The following VPS53 variants were observed in gnomAD, a reference collection of about 807,000 sequenced individuals.
VPS53 encodes the protein vacuolar protein sorting-associated protein 53 homolog.
In VPS53, 70 loss-of-function variants were observed where a neutral mutation model predicts 107.0. That is an observed-to-expected ratio of 0.65 (90% CI 0.54 to 0.80). The LOEUF is 0.80. Among genes scored for constraint, VPS53 ranks in the 30% least tolerant of loss-of-function variants. The pLI, the probability that VPS53 is intolerant of heterozygous loss-of-function variation, is 0.00. For synonymous variants in VPS53, 409 were observed against 393.3 expected (o/e 1.04, Z -0.47); for missense variants, 917 against 1,049.4 (o/e 0.87, Z 1.74).
In VPS53 at chr17:655,875, G is replaced by C. The variant is rs772369492; in HGVS notation, c.451C>G (p.His151Asp). The change falls in exon 6 of 22, where the codon CAC (histidine) becomes GAC (aspartate). Residue 151 changes from histidine (H) to aspartate (D), a missense_variant. His to Asp is a moderately conservative substitution (Grantham distance 81). Transcript: ENST00000437048. ...HLTTSITTLN[H>D]LHMLAGGVDS... Reference sequence around the variant, plus strand: ...ACACCTCCTGCCAGCATGTGCAGGTGGTTCAGTGTGGTGATTGAGGTGGTC... The same window carrying C: ...ACACCTCCTGCCAGCATGTGCAGGTCGTTCAGTGTGGTGATTGAGGTGGTC... The C allele has an allele frequency of 6.2e-7, 1 of 1,613,906 alleles. No individual in the cohort carries two copies. Among genetic ancestry groups the C allele is most frequent in the Non-Finnish European group, 8.5e-7 (1 of 1,179,938 alleles).
intron 12 of VPS53, among the ~76,000 whole-genome samples, chr17:598,429 G>A (rs1476610508): frequency 1.3e-5 from 2 of 151,610 alleles, no homozygotes; most frequent in Admixed American, 6.6e-5. Flanking sequence ...CCCATCATCT[G>A]GGATGTGAGG....
chr17:634,023 G>C (rs1330550720), intron 7 of VPS53, among the ~76,000 whole-genome samples: 2 of 152,150 alleles, frequency 1.3e-5, no homozygotes, highest in Admixed American at 1.3e-4. Flanking sequence ...GTTAGAAGAG[G>C]AAGGAGTTCT....
chr17:597,685 G>A (rs933383888), intron 12 of VPS53, among the ~76,000 whole-genome samples: 12 of 152,078 alleles, frequency 7.9e-5, no homozygotes, highest in African/African-American at 2.9e-4. Context: ...TGGGATTACA[G>A]GCATGCACCA....
chr17:511,752 G>A lies in VPS53; in HGVS notation c.*7376C>T, dbSNP rs1257696436. On this transcript the variant is annotated 3_prime_UTR_variant, in exon 22 of 22. Coordinates refer to ENST00000437048, the MANE Select transcript of VPS53 (RefSeq NM_001128159.3). ...TTTGGGGGGCATCATACCTAAAGAAGAAGAAGAAGAAAAAAGGCAAGAATA... is the reference window on the plus strand; with the variant it reads ...TTTGGGGGGCATCATACCTAAAGAAAAAGAAGAAGAAAAAAGGCAAGAATA... The A allele has an allele frequency of 6.6e-6, 1 of 151,586 alleles. No homozygotes were observed. The highest frequency in any genetic ancestry group is 1.5e-5 in the Non-Finnish European group (1 of 67,918). The allele number at this position is 151,586 out of a possible 1,614,324, so 9.4% of individuals were successfully genotyped here.
chr17:562,205 C>T (rs894749256), intron 14 of VPS53, among the ~76,000 whole-genome samples: 1 of 152,138 alleles, frequency 6.6e-6, no homozygotes, highest in African/African-American at 2.4e-5. Context: ...TTTGTATGTG[C>T]CAAGTATCTA....
rs1449518380 is a variant in VPS53, at chr17:524,248, T to C, written c.2086-2510A>G. Among the ~76,000 whole-genome samples, 1 of 151,648 alleles carries C rather than the reference T, an allele frequency of 6.6e-6. No individual in the cohort carries two copies. Among genetic ancestry groups the C allele is most frequent in the East Asian group, 1.9e-4 (1 of 5,166 alleles). Reference sequence around the variant, plus strand: ...TGGGAGGTTTGCGCTACAGCCTGGGTGACAGAACAAGACACTGTCTCAAAA... The same window carrying C: ...TGGGAGGTTTGCGCTACAGCCTGGGCGACAGAACAAGACACTGTCTCAAAA... On this transcript the variant is annotated intron_variant, in intron 19 of 21. Coordinates refer to ENST00000437048, the MANE Select transcript of VPS53 (RefSeq NM_001128159.3). The surrounding 1 kb of genome is among the most constrained non-coding windows in gnomAD (Gnocchi z 4.5).
At chr17:585,295 A>T (rs1967251403) in intron 13 of VPS53, among the ~76,000 whole-genome samples, 2 of 152,212 alleles carry the variant, frequency 1.3e-5, no homozygotes, top group African/African-American at 4.8e-5. Flanking sequence ...AAGAAAAAAC[A>T]AACAAAAACT....
chr17:683,276 T>G (rs903829387), intron 4 of VPS53, among the ~76,000 whole-genome samples: 1 of 151,876 alleles, frequency 6.6e-6, no homozygotes. Flanking sequence ...ATTAAACCAC[T>G]GATCCAAGAA....
intron 13 of VPS53, among the ~76,000 whole-genome samples, chr17:564,251 G>A (rs537623188): frequency 2.7e-4 from 40 of 150,374 alleles, no homozygotes; most frequent in African/African-American, 9.5e-4. Flanking sequence ...AAAAATTAGC[G>A]TGGTGTGGGC....
Position 553,245 on chromosome 17 carries a change from T to C in VPS53, c.1787+135A>G, listed in dbSNP as rs187360744. On this transcript the variant is annotated intron_variant, in intron 16 of 21. Coordinates refer to ENST00000437048, the MANE Select transcript of VPS53 (RefSeq NM_001128159.3). Reference sequence around the variant, plus strand: ...GCAGTGAGCAAGCGTGTACAAGGTATATACGTGCCACATGCTGCTGTGTAG... The same window carrying C: ...GCAGTGAGCAAGCGTGTACAAGGTACATACGTGCCACATGCTGCTGTGTAG... The C allele has an allele frequency of 6.5e-4, 412 of 636,798 alleles. 3 individuals are homozygous for C. The highest frequency in any genetic ancestry group is 1.7e-3 in the South Asian group (97 of 55,990). 39.4% of individuals were successfully genotyped at this position (636,798 alleles called of 1,614,324 possible). A position where few individuals can be genotyped will look rare whatever the true frequency, so the allele number is the denominator to read the frequency against.
intron 13 of VPS53, among the ~76,000 whole-genome samples, chr17:567,131 G>A (rs1187154130): frequency 6.6e-6 from 1 of 152,182 alleles, no homozygotes; most frequent in Non-Finnish European, 1.5e-5. Flanking sequence ...TCCCCTAGAA[G>A]ATGGATACTT....
rs1216307080 is a variant in VPS53 at position 520,235 on chromosome 17, CG to C, written c.2224-306del. ...CGCTGCTGTTTGAAGTATGGGTTTCCGGGGCCCTCCTCTAAAGACTCTAATT... is the reference window on the plus strand; with the variant it reads ...CGCTGCTGTTTGAAGTATGGGTTTCCGGGCCCTCCTCTAAAGACTCTAATT... On this transcript the variant is annotated intron_variant, in intron 20 of 21. Transcript: ENST00000437048. This position sits in a 1 kb window ranked among gnomAD's most constrained non-coding sequence, Gnocchi z 4.4. Among the ~76,000 whole-genome samples, 2 of 152,120 alleles carry C rather than the reference CG, an allele frequency of 1.3e-5. No individual in the cohort carries two copies. The highest frequency in any genetic ancestry group is 4.8e-5 in the African/African-American group (2 of 41,430).
At chr17:523,577 T>A (rs571789167) in intron 19 of VPS53, 1 of 152,336 alleles carries the variant, frequency 6.6e-6, no homozygotes, top group Admixed American at 6.5e-5. Flanking sequence ...GCAATTGTAA[T>A]TTTAACAATG....
intron 19 of VPS53, among the ~76,000 whole-genome samples, chr17:531,520 G>A (rs1001934142): frequency 6.6e-6 from 1 of 151,334 alleles, no homozygotes; most frequent in Non-Finnish European, 1.5e-5. Context: ...TTTTTTTGTG[G>A]GGCAGATGGT....
At chr17:556,140 AT>A (rs1912324861) in intron 15 of VPS53, among the ~76,000 whole-genome samples, 2 of 152,130 alleles carry the variant, frequency 1.3e-5, no homozygotes, top group Admixed American at 1.3e-4. Flanking sequence ...CTGGCCAGGC[AT>A]GGTGGCAGGT....
intron 12 of VPS53, among the ~76,000 whole-genome samples, chr17:600,324 A>C (rs1160902235): frequency 6.6e-6 from 1 of 152,214 alleles, no homozygotes; most frequent in Non-Finnish European, 1.5e-5. Flanking sequence ...GGGCTCTGCA[A>C]ATGGCTCTCC....
At chr17:592,979 G>A (rs1353008561) in intron 12 of VPS53, among the ~76,000 whole-genome samples, 1 of 152,130 alleles carries the variant, frequency 6.6e-6, no homozygotes, top group Non-Finnish European at 1.5e-5. Flanking sequence ...CAATGGAACA[G>A]AACAGAGCCC....
intron 7 of VPS53, 143 bp from the exon 8 acceptor site, chr17:631,771 C>T (rs920538974): frequency 2.9e-5 from 19 of 645,456 alleles, no homozygotes; most frequent in South Asian, 7.3e-5. Flanking sequence ...AGGTCACATA[C>T]TAGTTAAGTG....
chr17:629,224 A>G (rs575230740), intron 8 of VPS53, among the ~76,000 whole-genome samples: 1 of 152,274 alleles, frequency 6.6e-6, no homozygotes, highest in Non-Finnish European at 1.5e-5. Context: ...GACTTACTCC[A>G]TGCTGAGTGG....
Sources: allele counts gnomAD v4.1 joint callset (sites outside exome capture counted in the v4.1 genomes callset), GRCh38; gene constraint gnomAD v4.1.1; non-coding constraint Gnocchi (gnomAD v3.1); transcripts MANE v1.5; gene names NCBI Gene and HGNC (gene_info 2026-07-23, HGNC 2026-07-21).